The following MEPE variants were observed in gnomAD, a reference collection of about 807,000 sequenced individuals.
MEPE encodes matrix, extracellular phosphoglycoprotein with ASARM motif (bone).
MEPE carries 7 observed loss-of-function variants against 7.3 expected under a neutral mutation model. The observed-to-expected ratio is 0.95, with a 90% CI of 0.54 to 1.79. The LOEUF is 1.79. MEPE is among the 40% of genes most tolerant of loss of function. MEPE has a pLI of 0.00. For synonymous variants in MEPE, 214 were observed against 213.1 expected (o/e 1.00, Z -0.04); for missense variants, 623 against 628.2 (o/e 0.99, Z 0.09).
At chr4:87,836,414 T>C (rs1423354385) in intron 2 of MEPE, among the ~76,000 whole-genome samples, 1 of 96,870 alleles carries the variant, frequency 1.0e-5, no homozygotes, top group African/African-American at 4.1e-5. Context: ...CTAATCCATA[T>C]GTGTGTGTGT....
chr4:87,824,144 C>T (rs935440075), intron 1 of MEPE, among the ~76,000 whole-genome samples: 3 of 152,154 alleles, frequency 2.0e-5, no homozygotes, highest in African/African-American at 7.2e-5. Context: ...AATAAGGGGT[C>T]AGCAAGCTTT....
intron 2 of MEPE, among the ~76,000 whole-genome samples, chr4:87,835,462 C>A (rs1057031823): frequency 1.3e-5 from 2 of 152,130 alleles, no homozygotes; most frequent in African/African-American, 4.8e-5. Flanking sequence ...GAGCAGCATC[C>A]TAACTTATCA....
At position 87,846,616 on chromosome 4, in the gene MEPE, C is replaced by T. The variant is rs1723282324; in HGVS notation, c.*170C>T. On this transcript the variant is annotated 3_prime_UTR_variant, in exon 4 of 4. Coordinates refer to ENST00000361056, the MANE Select transcript of MEPE (RefSeq NM_020203.6). ...GGAATTTTTGCTATCTTAATAGTCA[C>T]AGTATAAAATTCTATTAAAGGCTAT... 2 of 636,772 alleles carry T rather than the reference C, an allele frequency of 3.1e-6. No individual in the cohort carries two copies. Among genetic ancestry groups the T allele is most frequent in the African/African-American group, 3.7e-5 (2 of 54,510 alleles). 39.4% of individuals were successfully genotyped at this position (636,772 alleles called of 1,614,324 possible).
At chr4:87,830,071 G>A (rs756129550), upstream of MEPE, among the ~76,000 whole-genome samples, 1 of 152,100 alleles carries the variant, frequency 6.6e-6, no homozygotes, top group Non-Finnish European at 1.5e-5. Context: ...TATTTCCACT[G>A]TCAATGACAA....
chr4:87,836,380 T>C (rs1722791793), intron 2 of MEPE, among the ~76,000 whole-genome samples: 2 of 152,016 alleles, frequency 1.3e-5, no homozygotes, highest in African/African-American at 2.4e-5. Flanking sequence ...TGTACCGAGG[T>C]ACTCTATATT....
chr4:87,840,095 T>G lies in MEPE; in HGVS notation c.108+1410T>G, dbSNP rs1246655094. ...TGTGTTACTGCTTCTGAGTAACATT[T>G]GGTGTTTTATAAGAAAGTTTTCTTG... On this transcript the variant is annotated intron_variant, in intron 3 of 3. Coordinates refer to ENST00000361056, the MANE Select transcript of MEPE (RefSeq NM_020203.6). 5.3e-6 allele frequency: 8 copies of G among 1,523,672 alleles called. No individual in the cohort carries two copies. In the Admixed American group the frequency reaches 1.6e-4, roughly 31 times the overall value. 94.4% of individuals were successfully genotyped at this position (1,523,672 alleles called of 1,614,324 possible). A position where few individuals can be genotyped will look rare whatever the true frequency, so the allele number is the denominator to read the frequency against.
At chr4:87,838,252 T>C (rs1167544222) in intron 2 of MEPE, among the ~76,000 whole-genome samples, 1 of 152,192 alleles carries the variant, frequency 6.6e-6, no homozygotes, top group Non-Finnish European at 1.5e-5. Flanking sequence ...TTAGTTCACT[T>C]ATATTTAACA....
rs1390604240 is a variant in MEPE at position 87,845,984 on chromosome 4, T to C, written c.1116T>C (p.Phe372=). The C allele has an allele frequency of 3.1e-6, 5 of 1,613,972 alleles. No homozygotes were observed. The East Asian group carries it at 6.7e-5, about 22-fold the overall frequency. ...SQNAHQGKVE[F]HYPPAPSKEK... ...ATGCTCACCAAGGGAAGGTTGAGTTTCATTACCCTCCTGCACCCTCAAAAG... is the reference window on the plus strand; with the variant it reads ...ATGCTCACCAAGGGAAGGTTGAGTTCCATTACCCTCCTGCACCCTCAAAAG... The change falls in exon 4 of 4, where the codon TTT becomes TTC. Residue 372 remains phenylalanine (F), a synonymous_variant. Transcript: ENST00000361056.
chr4:87,830,193 A>G (rs1413796933), upstream of MEPE, among the ~76,000 whole-genome samples: 2 of 152,186 alleles, frequency 1.3e-5, no homozygotes, highest in Non-Finnish European at 2.9e-5. Flanking sequence ...CTGTAAAAGC[A>G]GAACTACTGT....
At chr4:87,826,408 TTTG>T (rs2109988839) in intron 1 of MEPE, among the ~76,000 whole-genome samples, 1 of 151,952 alleles carries the variant, frequency 6.6e-6, no homozygotes, top group South Asian at 2.1e-4. Flanking sequence ...GTTTTTTGTT[TTTG>T]TTTTTTTTTG....
At chr4:87,833,595 T>C (rs554526873) in intron 1 of MEPE, among the ~76,000 whole-genome samples, 1 of 152,310 alleles carries the variant, frequency 6.6e-6, no homozygotes, top group African/African-American at 2.4e-5. Flanking sequence ...GATTATTTTT[T>C]CCCATAAAAA....
chr4:87,839,693 C>T lies in MEPE; in HGVS notation c.108+1008C>T, dbSNP rs760431970. The T allele has an allele frequency of 4.5e-6, 7 of 1,549,166 alleles. No homozygotes were observed. In the South Asian group the frequency reaches 7.1e-5, roughly 16 times the overall value. ...ATGTTGTGTTTTTGTAGATAACATA[C>T]AAGGGTCACTATGAGAAACATGGGC... On this transcript the variant is annotated intron_variant, in intron 3 of 3. Coordinates refer to ENST00000361056, the MANE Select transcript of MEPE (RefSeq NM_020203.6).
At chr4:87,839,771 T>A (rs769532670) in intron 3 of MEPE, 3 of 1,549,494 alleles carry the variant, frequency 1.9e-6, no homozygotes, top group Middle Eastern at 1.7e-4. Context: ...ATCAAACTGA[T>A]GTAAAGGTAA....
At chr4:87,830,496 CAT>C (rs1560535017), upstream of MEPE, among the ~76,000 whole-genome samples, 1 of 152,134 alleles carries the variant, frequency 6.6e-6, no homozygotes, top group Non-Finnish European at 1.5e-5. Context: ...CCAAATACCA[CAT>C]GTTCTCACTT....
At position 87,845,517 on chromosome 4, in the gene MEPE, C is replaced by T; in HGVS notation, c.649C>T (p.Gln217Ter). 6.2e-7 allele frequency: 1 copy of T among 1,612,980 alleles called. No homozygotes were observed. The highest frequency in any genetic ancestry group is 8.5e-7 in the Non-Finnish European group (1 of 1,179,740). ...AAAAAGCAAAAGCACCCATCGTATT[C>T]AACACAACATTGACTACCTAAAACA... is the stretch of plus-strand genomic sequence containing the variant. ...PVKSKSTHRI[Q>*]HNIDYLKHLS... The change falls in exon 4 of 4, where the codon CAA (glutamine) becomes TAA (stop). Residue 217 changes from glutamine to a stop codon, truncating the protein, a stop_gained. Transcript: ENST00000361056. LOFTEE classifies it low-confidence loss of function (END_TRUNC).
At chr4:87,833,586 A>AT (rs1427301631) in intron 1 of MEPE, among the ~76,000 whole-genome samples, 1 of 152,120 alleles carries the variant, frequency 6.6e-6, no homozygotes, top group African/African-American at 2.4e-5. Context: ...GAATATTTAG[A>AT]TTATTTTTTC....
intron 1 of MEPE, among the ~76,000 whole-genome samples, chr4:87,826,081 A>G (rs188809603): frequency 2.6e-5 from 4 of 152,176 alleles, no homozygotes; most frequent in Non-Finnish European, 4.4e-5. Context: ...TTTATCCAGT[A>G]TATCATTGAT....
chr4:87,834,553 T>C, intron 1 of MEPE, 150 bp from the exon 2 acceptor site: 1 of 508,794 alleles, frequency 2.0e-6, no homozygotes, highest in Non-Finnish European at 3.4e-6. Context: ...TATAAGCAAG[T>C]TATACATAGT....
At position 87,845,700 on chromosome 4, in the gene MEPE, G is replaced by A; in HGVS notation, c.832G>A (p.Gly278Ser). The A allele has an allele frequency of 6.2e-7, 1 of 1,613,780 alleles. No homozygotes were observed. The highest frequency in any genetic ancestry group is 8.5e-7 in the Non-Finnish European group (1 of 1,179,896). ...KGEATGPDLE[G>S]KDIQTGFAGP... Reference sequence around the variant, plus strand: ...AGAAGCTACTGGTCCTGACCTAGAAGGCAAAGATATTCAAACAGGGTTTGC... The same window carrying A: ...AGAAGCTACTGGTCCTGACCTAGAAAGCAAAGATATTCAAACAGGGTTTGC... The change falls in exon 4 of 4, where the codon GGC becomes AGC. Residue 278 changes from glycine to serine, a missense_variant. Coordinates refer to ENST00000361056, the MANE Select transcript of MEPE (RefSeq NM_020203.6).
Sources: allele counts gnomAD v4.1 joint callset (sites outside exome capture counted in the v4.1 genomes callset), GRCh38; gene constraint gnomAD v4.1.1; transcripts MANE v1.5; gene names NCBI Gene and HGNC (gene_info 2026-07-23, HGNC 2026-07-21).